ADH1C: variants seen among roughly 807,000 people sequenced by gnomAD.
ADH1C encodes alcohol dehydrogenase 1C (class I), gamma polypeptide.
A neutral mutation model predicts 35.0 loss-of-function variants in ADH1C; 26 were observed. That is an observed-to-expected ratio of 0.74 (90% CI 0.54 to 1.03). ADH1C has a LOEUF of 1.03. Ranked by LOEUF, ADH1C falls within the 50% of genes least tolerant of loss-of-function variation. The pLI is 0.00. For missense variants in ADH1C, 413 were observed against 465.4 expected (o/e 0.89, Z 1.04); for synonymous variants, 170 against 169.3 (o/e 1.00, Z -0.03).
At chr4:99,338,396 TATATATATA>T (rs1734329186) in intron 8 of ADH1C, among the ~76,000 whole-genome samples, 1 of 7,424 alleles carries the variant, frequency 1.3e-4, no homozygotes, top group African/African-American at 3.7e-4. Context: ...TACTGTTTTC[TATATATATA>T]TATATATATA....
chr4:99,347,623 T>A (rs1218761272), intron 2 of ADH1C, 122 bp downstream of exon 2: 21 of 1,110,598 alleles, frequency 1.9e-5, no homozygotes, highest in Non-Finnish European at 2.4e-5. Flanking sequence ...ACAACAAATG[T>A]AATTTTATTT....
At chr4:99,350,003 C>G (rs1734637956) in intron 1 of ADH1C, among the ~76,000 whole-genome samples, 1 of 152,168 alleles carries the variant, frequency 6.6e-6, no homozygotes, top group African/African-American at 2.4e-5. Flanking sequence ...ATTCACTGAG[C>G]TCTTTCTTTA....
At chr4:99,347,206 C>T in intron 2 of ADH1C, 62 bp from the exon 3 acceptor site, 1 of 1,549,332 alleles carries the variant, frequency 6.5e-7, no homozygotes, top group Non-Finnish European at 8.7e-7. Flanking sequence ...ATGGACTTAA[C>T]AAACCCAATT....
chr4:99,348,158 G>A (rs1256940333), intron 1 of ADH1C, among the ~76,000 whole-genome samples: 1 of 150,586 alleles, frequency 6.6e-6, no homozygotes, highest in African/African-American at 2.4e-5. Flanking sequence ...TAAGTTTTAG[G>A]GTACATGTGC....
At chr4:99,336,874 C>A (rs774017911) in intron 8 of ADH1C, 98 bp from the exon 9 acceptor site, 184 of 1,540,000 alleles carry the variant, frequency 1.2e-4, no homozygotes, top group Middle Eastern at 1.7e-4. Flanking sequence ...TAGTGAAAAT[C>A]TCTCTGTGTT....
chr4:99,339,604 C>A lies in ADH1C; in HGVS notation c.1076G>T (p.Gly359Val), dbSNP rs1296357260. 3 of 1,582,790 alleles carry A rather than the reference C, an allele frequency of 1.9e-6. No individual in the cohort carries two copies. The highest frequency in any genetic ancestry group is 1.4e-5 in the African/African-American group (1 of 73,512). The change falls in exon 8 of 9, where the codon GGA becomes GTA. Residue 359 changes from glycine (G) to valine (V), a missense_variant. Physicochemically the swap from Gly to Val is moderately radical, Grantham distance 109. Transcript: ENST00000515683. ...NILPFEKINE[G>V]FDLLRSGKSI... ...CTTTCCAGAGCGAAGCAGGTCAAATCCTTCATTTATTTTTTCAAAAGGTAA... is the reference window on the plus strand; with the variant it reads ...CTTTCCAGAGCGAAGCAGGTCAAATACTTCATTTATTTTTTCAAAAGGTAA...
chr4:99,340,558 G>A lies in ADH1C; in HGVS notation c.964+17C>T. ...CTTAGGTTAATGAGAATTTGGCTCTGAAGCCTAACTACATACCTCCAAAAA... is the reference window on the plus strand; with the variant it reads ...CTTAGGTTAATGAGAATTTGGCTCTAAAGCCTAACTACATACCTCCAAAAA... On this transcript the variant is annotated intron_variant, in intron 7 of 8. Coordinates refer to ENST00000515683, the MANE Select transcript of ADH1C (RefSeq NM_000669.5). 1 of 1,613,672 alleles carries A rather than the reference G, an allele frequency of 6.2e-7. No homozygotes were observed. The highest frequency in any genetic ancestry group is 8.5e-7 in the Non-Finnish European group (1 of 1,179,796).
chr4:99,347,956 A>G (rs1011553310), intron 1 of ADH1C, 110 bp from the exon 2 acceptor site: 2 of 1,241,060 alleles, frequency 1.6e-6, no homozygotes, highest in Non-Finnish European at 2.3e-6. Context: ...CTGGCACCTA[A>G]CAAGTGTTGC....
At position 99,347,122 on chromosome 4, in the gene ADH1C, C is replaced by T. The variant is rs35385902; in HGVS notation, c.143G>A (p.Arg48His). Reference protein sequence around the residue: ...RIKMVAAGICRSDEHVVSGNL... With the variant: ...RIKMVAAGICHSDEHVVSGNL... Reference sequence around the variant, plus strand: ...GCCACTAACCACATGCTCATCTGAACGACAGATTCCTGCAGCCACCATCTA... The same window carrying T: ...GCCACTAACCACATGCTCATCTGAATGACAGATTCCTGCAGCCACCATCTA... Residue 48 changes from arginine to histidine, a missense_variant, in exon 3 of 9, where the codon CGT becomes CAT. Transcript: ENST00000515683. The T allele has an allele frequency of 8.9e-4, 1,431 of 1,613,678 alleles. 7 individuals carry two copies. The African/African-American group carries it at 0.013, about 14-fold the overall frequency.
At chr4:99,338,535 C>A (rs1338218754) in intron 8 of ADH1C, among the ~76,000 whole-genome samples, 1 of 146,378 alleles carries the variant, frequency 6.8e-6, no homozygotes, top group African/African-American at 2.5e-5. Flanking sequence ...CTCCTTCCTA[C>A]CACCTGATGA....
rs1734501511 is a variant in ADH1C at position 99,345,139 on chromosome 4, C to G, written c.347+40G>C. ...ATGAGACAGGACCATAACTAATGTG[C>G]AAACTCAAAGTCTGTGCAAAGAAAG... On this transcript the variant is annotated intron_variant, in intron 4 of 8. Coordinates refer to ENST00000515683, the MANE Select transcript of ADH1C (RefSeq NM_000669.5). 2.5e-6 allele frequency: 4 copies of G among 1,613,752 alleles called. No homozygotes were observed. In the South Asian group the frequency reaches 4.4e-5, roughly 18 times the overall value.
At chr4:99,351,793 A>G (rs17586023) in intron 1 of ADH1C, among the ~76,000 whole-genome samples, 12,093 of 152,300 alleles carry the variant, frequency 0.079, 575 homozygotes, top group South Asian at 0.1. Flanking sequence ...AAATGGCTGG[A>G]AATAGTTGCA....
rs541924884 is a variant in ADH1C at position 99,344,938 on chromosome 4, G to A, written c.491C>T (p.Ala164Val). 3.1e-6 allele frequency: 5 copies of A among 1,614,172 alleles called. No individual in the cohort carries two copies. In the South Asian group the frequency reaches 3.3e-5, roughly 11 times the overall value. ...DENAVAKIDAASPLEKVCLIG... is the reference protein window; with the variant it reads ...DENAVAKIDAVSPLEKVCLIG... Reference sequence around the variant, plus strand: ...GAGGCAGACTTTCTCCAGGGGCGAGGCTGCATCAATTTTGGCCACTGCATT... The same window carrying A: ...GAGGCAGACTTTCTCCAGGGGCGAGACTGCATCAATTTTGGCCACTGCATT... Residue 164 changes from alanine to valine, a missense_variant, in exon 5 of 9, where the codon GCC becomes GTC. By Grantham distance (64) the Ala-to-Val change is moderately conservative. Coordinates refer to ENST00000515683, the MANE Select transcript of ADH1C (RefSeq NM_000669.5).
At chr4:99,343,128 A>G in intron 5 of ADH1C, 73 bp from the exon 6 acceptor site, 1 of 1,563,328 alleles carries the variant, frequency 6.4e-7, no homozygotes, top group Admixed American at 1.8e-5. Flanking sequence ...ATAAAGTGCC[A>G]TGTCTTGTGT....
In ADH1C at chr4:99,338,393, T is replaced by TTATATATATATATATA. The variant is rs1334509876; in HGVS notation, c.1103+1183_1103+1184insTATATATATATATATA. On this transcript the variant is annotated intron_variant, in intron 8 of 8. Coordinates refer to ENST00000515683, the MANE Select transcript of ADH1C (RefSeq NM_000669.5). Reference sequence around the variant, plus strand: ...TAATTAACCTTTGATGAATACTGTTTTCTATATATATATATATATATATAT... The same window carrying TTATATATATATATATA: ...TAATTAACCTTTGATGAATACTGTTTTATATATATATATATATCTATATATATATATATATATATAT... Among the ~76,000 whole-genome samples, 21 of 73,096 alleles carry TTATATATATATATATA rather than the reference T, an allele frequency of 2.9e-4. 6 individuals are homozygous for TTATATATATATATATA. Among genetic ancestry groups the TTATATATATATATATA allele is most frequent in the African/African-American group, 5.5e-4 (10 of 18,328 alleles). 48.0% of individuals were successfully genotyped at this position (73,096 alleles called of 152,430 possible).
chr4:99,346,934 G>C, intron 3 of ADH1C, 72 bp downstream of exon 3: 1 of 1,559,988 alleles, frequency 6.4e-7, no homozygotes, highest in Admixed American at 1.9e-5. Flanking sequence ...TCATTGCCTC[G>C]GTTTCCTCAT....
chr4:99,341,364 C>T (rs1046149014), intron 6 of ADH1C, among the ~76,000 whole-genome samples: 4 of 152,144 alleles, frequency 2.6e-5, no homozygotes, highest in African/African-American at 9.7e-5. Flanking sequence ...TAGGATCCCT[C>T]TAGGTATATA....
intron 8 of ADH1C, among the ~76,000 whole-genome samples, chr4:99,338,286 T>C (rs575336086): frequency 3.9e-4 from 58 of 149,940 alleles, no homozygotes; most frequent in African/African-American, 1.4e-3. Context: ...TGCTCAATAG[T>C]GTCTTCTGGT....
chr4:99,336,705 G>A lies in ADH1C; in HGVS notation c.*47C>T, dbSNP rs767010428. ...CTAGCTGTTGCTCCAGATCATGTAG[G>A]GTAGAGGAGGCTGAAAACTGCTACA... On this transcript the variant is annotated 3_prime_UTR_variant, in exon 9 of 9. Coordinates refer to ENST00000515683, the MANE Select transcript of ADH1C (RefSeq NM_000669.5). 9 of 1,602,554 alleles carry A rather than the reference G, an allele frequency of 5.6e-6. No individual in the cohort carries two copies. The highest frequency in any genetic ancestry group is 7.7e-6 in the Non-Finnish European group (9 of 1,169,702).
Sources: allele counts gnomAD v4.1 joint callset (sites outside exome capture counted in the v4.1 genomes callset), GRCh38; gene constraint gnomAD v4.1.1; transcripts MANE v1.5; gene names NCBI Gene and HGNC (gene_info 2026-07-23, HGNC 2026-07-21).